PTPRD: variants seen among roughly 807,000 people sequenced by gnomAD.
The protein encoded by PTPRD is protein tyrosine phosphatase receptor type D.
Under a neutral mutation model 214.5 loss-of-function variants are expected in PTPRD, and 34 were observed. That is an observed-to-expected ratio of 0.16 (90% CI 0.12 to 0.21). PTPRD has a LOEUF of 0.21. PTPRD is among the 10% of genes least tolerant of loss of function. The probability of loss-of-function intolerance (pLI) is 1.00; values close to 1 mark genes in which losing one functional copy is unlikely to be tolerated. For missense variants in PTPRD, 2,545 were observed against 2,398.7 expected (o/e 1.06, Z -1.27); for synonymous variants, 1,128 against 845.7 (o/e 1.33, Z -5.79).
chr9:10,433,757 T>G (rs535362599), intron 2 of PTPRD, among the ~76,000 whole-genome samples: 1 of 152,008 alleles, frequency 6.6e-6, no homozygotes, highest in African/African-American at 2.4e-5. Context: ...AGCTATATTT[T>G]TAACATAAAT....
At chr9:10,537,732 A>G in intron 2 of PTPRD, among the ~76,000 whole-genome samples, 1 of 152,236 alleles carries the variant, frequency 6.6e-6, no homozygotes, top group Non-Finnish European at 1.5e-5. Context: ...TTATCATCAT[A>G]ATGTCTTAAA....
At chr9:10,136,751 G>C (rs1446685773) in intron 3 of PTPRD, among the ~76,000 whole-genome samples, 1 of 75,278 alleles carries the variant, frequency 1.3e-5, no homozygotes, top group African/African-American at 5.9e-5. Flanking sequence ...ACTACCATCA[G>C]AGTGAACAGG....
intron 11 of PTPRD, among the ~76,000 whole-genome samples, chr9:8,764,849 T>G (rs1487832016): frequency 6.6e-6 from 1 of 151,204 alleles, no homozygotes; most frequent in African/African-American, 2.4e-5. Context: ...GCTTATTTGA[T>G]GGCAATAGAG....
intron 34 of PTPRD, among the ~76,000 whole-genome samples, chr9:8,440,317 T>C (rs936110439): frequency 8.9e-6 from 1 of 112,676 alleles, no homozygotes. Context: ...TAGAAATGTA[T>C]TATTTTTTTT....
intron 9 of PTPRD, among the ~76,000 whole-genome samples, chr9:9,284,848 T>G (rs772490226): frequency 1.2e-4 from 18 of 151,774 alleles, no homozygotes; most frequent in African/African-American, 4.3e-4. Context: ...TGGACAATAA[T>G]GCTTTTATCA....
At chr9:10,385,158 A>T (rs2097892610) in intron 2 of PTPRD, among the ~76,000 whole-genome samples, 1 of 151,724 alleles carries the variant, frequency 6.6e-6, no homozygotes, top group African/African-American at 2.4e-5. Context: ...TTTTTTTCCA[A>T]AAAGTTTATT....
At position 9,321,422 on chromosome 9, in the gene PTPRD, G is replaced by A. The variant is rs147603948; in HGVS notation, c.-203+76027C>T. 4.9e-3 allele frequency among the ~76,000 whole-genome samples: 742 copies of A among 152,090 alleles called. 4 individuals are homozygous for A. The highest frequency in any genetic ancestry group is 0.017 in the African/African-American group (708 of 41,508). On this transcript the variant is annotated intron_variant, in intron 9 of 45. Transcript: ENST00000381196. ...AATGCAAAATCAGCCGGGCGTGGTG[G>A]TGCATGCCTGTAATCCCAGCTACTA...
chr9:8,908,888 T>G (rs529246997), intron 11 of PTPRD, among the ~76,000 whole-genome samples: 36 of 151,196 alleles, frequency 2.4e-4, no homozygotes, highest in Non-Finnish European at 4.7e-4. Context: ...AGAAGACCTA[T>G]CATTATTAAT....
intron 9 of PTPRD, among the ~76,000 whole-genome samples, chr9:9,333,277 C>T (rs2043018753): frequency 6.6e-6 from 1 of 151,082 alleles, no homozygotes; most frequent in Non-Finnish European, 1.5e-5. Context: ...TGCAGAGTAA[C>T]AGAAAGGCAG....
chr9:9,059,681 A>G (rs2099703577), intron 10 of PTPRD, among the ~76,000 whole-genome samples: 1 of 152,204 alleles, frequency 6.6e-6, no homozygotes, highest in Middle Eastern at 3.4e-3. Context: ...TAAAGAATAT[A>G]TAATTTTGTA....
intron 9 of PTPRD, among the ~76,000 whole-genome samples, chr9:9,250,134 A>G (rs1394603686): frequency 1.3e-5 from 2 of 152,020 alleles, no homozygotes; most frequent in Non-Finnish European, 2.9e-5. Context: ...GCATACATAC[A>G]TTCTTTAATA....
intron 11 of PTPRD, among the ~76,000 whole-genome samples, chr9:8,923,515 G>A (rs1259664469): frequency 6.6e-6 from 1 of 152,052 alleles, no homozygotes; most frequent in Non-Finnish European, 1.5e-5. Context: ...AAGGATCAGG[G>A]AACTAAGTAA....
intron 2 of PTPRD, among the ~76,000 whole-genome samples, chr9:10,355,626 G>A (rs1307471303): frequency 6.6e-6 from 1 of 151,846 alleles, no homozygotes; most frequent in Non-Finnish European, 1.5e-5. Flanking sequence ...TTACAGGCAT[G>A]CACGACCATG....
intron 36 of PTPRD, among the ~76,000 whole-genome samples, chr9:8,398,563 C>T (rs1263673399): frequency 6.6e-6 from 1 of 152,154 alleles, no homozygotes; most frequent in Non-Finnish European, 1.5e-5. Context: ...ACCTAATCAC[C>T]ACTGTGATAG....
chr9:9,926,736 T>C (rs1230951246), intron 5 of PTPRD, among the ~76,000 whole-genome samples: 2 of 152,166 alleles, frequency 1.3e-5, no homozygotes, highest in Non-Finnish European at 2.9e-5. Flanking sequence ...GAAAATTTAA[T>C]AAAGAACTAC....
intron 5 of PTPRD, among the ~76,000 whole-genome samples, chr9:9,789,561 G>T (rs1163495120): frequency 6.6e-6 from 1 of 151,952 alleles, no homozygotes; most frequent in Non-Finnish European, 1.5e-5. Context: ...ACTTTGGGAG[G>T]CCGAGGCGGG....
At chr9:8,967,711 A>G (rs953781975) in intron 11 of PTPRD, among the ~76,000 whole-genome samples, 1 of 152,158 alleles carries the variant, frequency 6.6e-6, no homozygotes, top group African/African-American at 2.4e-5. Flanking sequence ...TACGTATGTT[A>G]TTTATCATAA....
intron 8 of PTPRD, among the ~76,000 whole-genome samples, chr9:9,443,215 C>A (rs2088929993): frequency 6.6e-6 from 1 of 151,790 alleles, no homozygotes; most frequent in Non-Finnish European, 1.5e-5. Context: ...ATTATGTGAG[C>A]TAATTATACC....
intron 2 of PTPRD, among the ~76,000 whole-genome samples, chr9:10,389,245 G>T (rs1383668630): frequency 6.6e-6 from 1 of 151,788 alleles, no homozygotes; most frequent in African/African-American, 2.4e-5. Context: ...ACAATGAAAG[G>T]TTTACAAATA....
Sources: gnomAD v4.1 joint callset for allele counts (sites outside exome capture counted in the v4.1 genomes callset) on GRCh38, gnomAD v4.1.1 for gene constraint, MANE v1.5 for transcripts, NCBI Gene and HGNC (gene_info 2026-07-23, HGNC 2026-07-21) for gene names.